The following PSD3 variants were observed in gnomAD, a reference collection of about 807,000 sequenced individuals.
PSD3 encodes pleckstrin and Sec7 domain containing 3.
PSD3 carries 49 observed loss-of-function variants against 105.5 expected under a neutral mutation model. That is an observed-to-expected ratio of 0.46 (90% CI 0.37 to 0.59). PSD3 has a LOEUF of 0.59. Ranked by LOEUF, PSD3 falls within the 20% of genes least tolerant of loss-of-function variation. The pLI is 0.00. For synonymous variants in PSD3, 557 were observed against 457.8 expected (o/e 1.22, Z -2.77); for missense variants, 1,561 against 1,263.8 (o/e 1.24, Z -3.57).
At chr8:18,613,654 C>T (rs914451400) in intron 11 of PSD3, among the ~76,000 whole-genome samples, 4 of 152,144 alleles carry the variant, frequency 2.6e-5, no homozygotes, top group African/African-American at 9.7e-5. Flanking sequence ...GACTTGGCCC[C>T]TTCACTTCAG....
At chr8:18,591,580 T>C (rs540142610) in intron 12 of PSD3, among the ~76,000 whole-genome samples, 7 of 152,234 alleles carry the variant, frequency 4.6e-5, no homozygotes, top group African/African-American at 1.7e-4. Context: ...AGAACTAGCA[T>C]AGCTTGGAAG....
At chr8:18,677,966 G>GC (rs1800162025) in intron 9 of PSD3, among the ~76,000 whole-genome samples, 1 of 148,134 alleles carries the variant, frequency 6.8e-6, no homozygotes, top group Non-Finnish European at 1.5e-5. Context: ...GCCGAGATCA[G>GC]GCCACTGCAC....
intron 9 of PSD3, among the ~76,000 whole-genome samples, chr8:18,664,086 T>C (rs1809545271): frequency 6.6e-6 from 1 of 152,218 alleles, no homozygotes; most frequent in African/African-American, 2.4e-5. Flanking sequence ...TTCCCTAAGA[T>C]ACAACAATAC....
chr8:18,871,285 G>A (rs548182263), intron 3 of PSD3, among the ~76,000 whole-genome samples: 2 of 152,302 alleles, frequency 1.3e-5, no homozygotes, highest in South Asian at 2.1e-4. Flanking sequence ...AAAGATGACT[G>A]TGGGGTATGT....
chr8:18,692,332 A>G (rs1801015697), intron 9 of PSD3, among the ~76,000 whole-genome samples: 2 of 152,208 alleles, frequency 1.3e-5, no homozygotes, highest in Non-Finnish European at 2.9e-5. Context: ...GTGCCAATAC[A>G]ATGGAAGAGA....
At chr8:18,608,359 G>A (rs1385890770) in intron 11 of PSD3, among the ~76,000 whole-genome samples, 1 of 152,176 alleles carries the variant, frequency 6.6e-6, no homozygotes, top group Non-Finnish European at 1.5e-5. Context: ...TCTGGCTTGG[G>A]GGCTGCTTCC....
At chr8:18,711,191 A>G (rs182432668) in intron 9 of PSD3, among the ~76,000 whole-genome samples, 93 of 152,354 alleles carry the variant, frequency 6.1e-4, no homozygotes, top group African/African-American at 2.0e-3. Flanking sequence ...AACATACTGA[A>G]GTACACAGAC....
At position 18,569,511 on chromosome 8, in the gene PSD3, C is replaced by G. The variant is rs1411556552; in HGVS notation, c.2784+3017G>C. ...AGTGAACTCCCATTCACAATTGCTT[C>G]AAAGAGAATAAAATACCTAGGAATC... On this transcript the variant is annotated intron_variant, in intron 14 of 15. Transcript: ENST00000327040. Among the ~76,000 whole-genome samples the G allele has an allele frequency of 7.1e-5, 10 of 141,476 alleles. No individual in the cohort carries two copies. In the Admixed American group the frequency reaches 7.3e-4, roughly 10 times the overall value. The allele number at this position is 141,476 out of a possible 152,430, so 92.8% of individuals were successfully genotyped here.
chr8:18,778,299 G>C (rs771730791), intron 8 of PSD3, among the ~76,000 whole-genome samples: 10 of 152,152 alleles, frequency 6.6e-5, no homozygotes, highest in Non-Finnish European at 1.5e-4. Context: ...ACACTGCTGA[G>C]TTGTGTACAC....
chr8:19,072,147 G>A (rs1829290259), intron 1 of PSD3, among the ~76,000 whole-genome samples: 1 of 149,294 alleles, frequency 6.7e-6, no homozygotes, highest in Non-Finnish European at 1.5e-5. Flanking sequence ...TGTCGCCCAG[G>A]CTAGAGTGCA....
At chr8:18,645,692 C>G (rs1018851823) in intron 10 of PSD3, among the ~76,000 whole-genome samples, 9 of 152,146 alleles carry the variant, frequency 5.9e-5, no homozygotes, top group African/African-American at 1.9e-4. Flanking sequence ...AAACAGAGAG[C>G]AATGACAATG....
Position 18,770,719 on chromosome 8 carries a change from T to G in PSD3, c.2083-5181A>C, listed in dbSNP as rs151158364. Reference sequence around the variant, plus strand: ...CAGAGGAAGTGTTTGGGTGCTCTTTTAGCTTGGCTGTCTGCATATGGCTTA... The same window carrying G: ...CAGAGGAAGTGTTTGGGTGCTCTTTGAGCTTGGCTGTCTGCATATGGCTTA... On this transcript the variant is annotated intron_variant, in intron 8 of 15. Transcript: ENST00000327040. Among the ~76,000 whole-genome samples, 1,056 of 152,320 alleles carry G rather than the reference T, an allele frequency of 6.9e-3. 6 individuals are homozygous for G. The highest frequency in any genetic ancestry group is 0.011 in the Non-Finnish European group (721 of 68,028).
At chr8:18,763,602 A>G (rs182195114) in intron 9 of PSD3, among the ~76,000 whole-genome samples, 2 of 152,308 alleles carry the variant, frequency 1.3e-5, no homozygotes, top group Admixed American at 1.3e-4. Flanking sequence ...AAGAGAAAGT[A>G]AAAGACAGAA....
At chr8:18,712,923 A>C (rs1186813558) in intron 9 of PSD3, among the ~76,000 whole-genome samples, 1 of 152,202 alleles carries the variant, frequency 6.6e-6, no homozygotes, top group African/African-American at 2.4e-5. Context: ...GCACATTGAA[A>C]AACTTATCCA....
At chr8:19,025,289 TTA>T (rs1827509004) in intron 1 of PSD3, among the ~76,000 whole-genome samples, 1 of 152,188 alleles carries the variant, frequency 6.6e-6, no homozygotes, top group Admixed American at 6.5e-5. Context: ...TGAGAAATCT[TTA>T]TCTTTTTCTA....
chr8:18,679,546 T>A (rs1176735344), intron 9 of PSD3, among the ~76,000 whole-genome samples: 3 of 152,178 alleles, frequency 2.0e-5, no homozygotes, highest in Non-Finnish European at 4.4e-5. Flanking sequence ...TAAGGTTCCT[T>A]CCACAGAGGA....
At chr8:18,647,493 G>T (rs1381569563) in intron 10 of PSD3, among the ~76,000 whole-genome samples, 1 of 152,098 alleles carries the variant, frequency 6.6e-6, no homozygotes, top group African/African-American at 2.4e-5. Flanking sequence ...TGCTTATCCA[G>T]AGTTAAAAAG....
intron 12 of PSD3, among the ~76,000 whole-genome samples, chr8:18,599,440 A>C (rs1030343502): frequency 2.0e-5 from 3 of 152,076 alleles, no homozygotes; most frequent in Non-Finnish European, 4.4e-5. Context: ...AGATATTTGC[A>C]CCCCATGTTC....
chr8:18,870,434 G>C (rs1239513408), intron 3 of PSD3, among the ~76,000 whole-genome samples: 1 of 152,030 alleles, frequency 6.6e-6, no homozygotes, highest in East Asian at 1.9e-4. Context: ...ATGATGTCAA[G>C]TTTCAATCAT....
Sources: gnomAD v4.1 joint callset for allele counts (sites outside exome capture counted in the v4.1 genomes callset) on GRCh38, gnomAD v4.1.1 for gene constraint, MANE v1.5 for transcripts, NCBI Gene and HGNC (gene_info 2026-07-23, HGNC 2026-07-21) for gene names.